The following ZNF561 variants were observed in gnomAD, a reference collection of about 807,000 sequenced individuals.
The protein encoded by ZNF561 is zinc finger protein 561.
In ZNF561, 16 loss-of-function variants were observed where a neutral mutation model predicts 16.7. The observed-to-expected ratio is 0.96, with a 90% CI of 0.65 to 1.45. The LOEUF (loss-of-function observed/expected upper bound fraction) is 1.45, where lower values mean the gene tolerates loss of function less well. Among genes scored for constraint, ZNF561 ranks in the 40% most tolerant of loss-of-function variants. The pLI, the probability that ZNF561 is intolerant of heterozygous loss-of-function variation, is 0.00. For missense variants in ZNF561, 580 were observed against 578.0 expected (o/e 1.00, Z -0.04); for synonymous variants, 190 against 192.1 (o/e 0.99, Z 0.09).
At chr19:9,616,610 G>A (rs1342797604) in intron 4 of ZNF561, among the ~76,000 whole-genome samples, 1 of 146,056 alleles carries the variant, frequency 6.8e-6, no homozygotes, top group African/African-American at 2.5e-5. Context: ...TTTTTTTTTT[G>A]AGATGGAGTC....
At position 9,609,919 on chromosome 19, in the gene ZNF561, G is replaced by A; in HGVS notation, c.*281C>T. On this transcript the variant is annotated 3_prime_UTR_variant, in exon 6 of 6. Transcript: ENST00000302851. ...AACAGGGGCTGGGGTCAATCTGCAT[G>A]ATTTATCTCATACACAACTTGTTAA... is the stretch of plus-strand genomic sequence containing the variant. The A allele has an allele frequency of 3.6e-6, 1 of 280,748 alleles. No homozygotes were observed. Among genetic ancestry groups the A allele is most frequent in the Non-Finnish European group, 6.7e-6 (1 of 148,556 alleles). The allele number at this position is 280,748 out of a possible 1,614,324, so 17.4% of individuals were successfully genotyped here.
chr19:9,617,468 G>T, intron 3 of ZNF561: 1 of 330,948 alleles, frequency 3.0e-6, no homozygotes, highest in Non-Finnish European at 4.7e-6. Context: ...ATTTTGATTA[G>T]AACAGTACTT....
At position 9,608,812 on chromosome 19, in the gene ZNF561, C is replaced by T. The variant is rs2074395069; in HGVS notation, c.*1388G>A. 1 of 152,188 alleles carries T rather than the reference C, an allele frequency of 6.6e-6. No homozygotes were observed. Among genetic ancestry groups the T allele is most frequent in the African/African-American group, 2.4e-5 (1 of 41,446 alleles). 9.4% of individuals were successfully genotyped at this position (152,188 alleles called of 1,614,324 possible). Reference sequence around the variant, plus strand: ...GAGAGATAAAACTGGTTATGTATCACTAAGATCTGTACTTAAAGTGTTAAA... The same window carrying T: ...GAGAGATAAAACTGGTTATGTATCATTAAGATCTGTACTTAAAGTGTTAAA... On this transcript the variant is annotated 3_prime_UTR_variant, in exon 6 of 6. Transcript: ENST00000302851.
intron 4 of ZNF561, among the ~76,000 whole-genome samples, chr19:9,616,614 T>TG (rs2074558736): frequency 6.7e-6 from 1 of 150,076 alleles, no homozygotes; most frequent in Admixed American, 6.7e-5. Context: ...TTTTTTGAGA[T>TG]GGAGTCTCAA....
At chr19:9,619,173 CTTGA>C (rs1284438935) in intron 2 of ZNF561, 3 of 213,742 alleles carry the variant, frequency 1.4e-5, no homozygotes, top group African/African-American at 6.9e-5. Flanking sequence ...AAGAGAATCA[CTTGA>C]ACCTGGGAGG....
chr19:9,619,787 T>C (rs1488923832), intron 1 of ZNF561, among the ~76,000 whole-genome samples: 1 of 152,188 alleles, frequency 6.6e-6, no homozygotes, highest in Non-Finnish European at 1.5e-5. Flanking sequence ...GCTTTATATA[T>C]ACATGCTCAG....
At position 9,611,300 on chromosome 19, in the gene ZNF561, TACAGTC is replaced by T. The variant is rs1325812940; in HGVS notation, c.355_360del (p.Asp119_Cys120del). ...TCCCTGAAGACCTCTCCACAATTCT[TACAGTC>T]ACAGAGTTTCCATCCACTGTAGCCT... is the stretch of plus-strand genomic sequence containing the variant. On this transcript the variant is annotated inframe_deletion, in exon 6 of 6. Transcript: ENST00000302851. The T allele has an allele frequency of 4.7e-5, 76 of 1,613,580 alleles. No individual in the cohort carries two copies. The highest frequency in any genetic ancestry group is 6.3e-5 in the Non-Finnish European group (74 of 1,179,554).
chr19:9,617,894 T>C (rs2074586623), intron 3 of ZNF561, 197 bp downstream of exon 3: 3 of 608,914 alleles, frequency 4.9e-6, no homozygotes, highest in Non-Finnish European at 6.1e-6. Context: ...ATTACTGAGC[T>C]ACTGGACTGA....
chr19:9,615,576 C>T (rs749045889), intron 4 of ZNF561, among the ~76,000 whole-genome samples: 4 of 151,206 alleles, frequency 2.6e-5, no homozygotes, highest in African/African-American at 7.3e-5. Flanking sequence ...CCAGCCTGGG[C>T]GACAGAGCAA....
rs1384144515 is a variant in ZNF561, at chr19:9,607,490, A to G, written c.*2710T>C. The G allele has an allele frequency of 2.0e-5, 3 of 152,230 alleles. No homozygotes were observed. In the East Asian group the frequency reaches 5.8e-4, roughly 29 times the overall value. The allele number at this position is 152,230 out of a possible 1,614,324, so 9.4% of individuals were successfully genotyped here. On this transcript the variant is annotated 3_prime_UTR_variant, in exon 6 of 6. Transcript: ENST00000302851. ...ATGAATTATGAAATACTGGGAAATC[A>G]TTCATCATGTAAAAACTGGATATAA... is the stretch of plus-strand genomic sequence containing the variant.
chr19:9,610,552 C>T lies in ZNF561; in HGVS notation c.1109G>A (p.Cys370Tyr), dbSNP rs763698957. Reference sequence around the variant, plus strand: ...TGTGGATGTAGTGAAGGCTTTCCCACATTCCTTACACTGATAGGGTTTCTT... The same window carrying T: ...TGTGGATGTAGTGAAGGCTTTCCCATATTCCTTACACTGATAGGGTTTCTT... The part of the protein sequence containing the change: ...SGKKPYQCKE[C>Y]GKAFTTSTSL... The change falls in exon 6 of 6, where the codon TGT becomes TAT. Residue 370 changes from cysteine to tyrosine, a missense_variant. Physicochemically the swap from Cys to Tyr is radical, Grantham distance 194. Transcript: ENST00000302851. 3 of 1,613,898 alleles carry T rather than the reference C, an allele frequency of 1.9e-6. No homozygotes were observed. Among genetic ancestry groups the T allele is most frequent in the Admixed American group, 3.3e-5 (2 of 60,012 alleles).
At position 9,611,329 on chromosome 19, in the gene ZNF561, C is replaced by G; in HGVS notation, c.332G>C (p.Gly111Ala). Reference protein sequence around the residue: ...QIFSGIQMTRGYSGWKLCDCK... With the variant: ...QIFSGIQMTRAYSGWKLCDCK... ...GTCACAGAGTTTCCATCCACTGTAG[C>G]CTCTTGTCTGTTGATGACGAGATAA... The change falls in exon 6 of 6, where the codon GGC becomes GCC. Residue 111 changes from glycine to alanine, a missense_variant. Gly to Ala is a moderately conservative substitution (Grantham distance 60). Coordinates refer to ENST00000302851, the MANE Select transcript of ZNF561 (RefSeq NM_152289.3). The G allele has an allele frequency of 6.2e-7, 1 of 1,606,286 alleles. No homozygotes were observed. The highest frequency in any genetic ancestry group is 8.5e-7 in the Non-Finnish European group (1 of 1,174,542).
In ZNF561 at chr19:9,610,563, C is replaced by T. The variant is rs753282452; in HGVS notation, c.1098G>A (p.Gln366=). The T allele has an allele frequency of 2.5e-6, 4 of 1,613,442 alleles. No homozygotes were observed. Among genetic ancestry groups the T allele is most frequent in the Admixed American group, 1.7e-5 (1 of 59,940 alleles). Residue 366 remains glutamine, a synonymous_variant, in exon 6 of 6, where the codon CAG becomes CAA. Coordinates refer to ENST00000302851, the MANE Select transcript of ZNF561 (RefSeq NM_152289.3). ...TGAAGGCTTTCCCACATTCCTTACA[C>T]TGATAGGGTTTCTTTCCACTGTGAC... The part of the protein sequence containing the change: ...IRSHSGKKPY[Q]CKECGKAFTT...
intron 2 of ZNF561, chr19:9,619,209 A>ATTGC: frequency 3.8e-6 from 1 of 262,116 alleles, no homozygotes; most frequent in Non-Finnish European, 7.1e-6. Flanking sequence ...GTGAGCTAAG[A>ATTGC]TTGCACCACT....
In ZNF561 at chr19:9,617,040, C is replaced by G; in HGVS notation, c.241+5G>C. On this transcript the variant is annotated splice_donor_5th_base_variant and intron_variant, in intron 4 of 5. Transcript: ENST00000302851. The stretch of plus-strand genomic sequence containing the variant: ...CCATGCCAAGCATAGTGATGTTACT[C>G]TTACCCACAGAGGCCAGGTTCATGT... 1 of 1,607,832 alleles carries G rather than the reference C, an allele frequency of 6.2e-7. No homozygotes were observed. Among genetic ancestry groups the G allele is most frequent in the Non-Finnish European group, 8.5e-7 (1 of 1,175,958 alleles).
chr19:9,617,855 G>C, intron 3 of ZNF561: 3 of 562,500 alleles, frequency 5.3e-6, no homozygotes, highest in South Asian at 1.5e-5. Flanking sequence ...AGATGCAGTT[G>C]GCACCATGAA....
chr19:9,613,144 T>C (rs960429644), intron 5 of ZNF561, among the ~76,000 whole-genome samples: 3 of 152,202 alleles, frequency 2.0e-5, no homozygotes, highest in Non-Finnish European at 2.9e-5. Context: ...TAGTTACTTA[T>C]GTGGGAATGT....
intron 4 of ZNF561, 134 bp downstream of exon 4, chr19:9,616,911 G>A (rs2074564774): frequency 8.0e-7 from 1 of 1,256,424 alleles, no homozygotes; most frequent in African/African-American, 1.5e-5. Flanking sequence ...TTTTTTTTAA[G>A]AGACAAGGTA....
At position 9,611,234 on chromosome 19, in the gene ZNF561, C is replaced by G; in HGVS notation, c.427G>C (p.Gly143Arg). The G allele has an allele frequency of 6.2e-7, 1 of 1,613,966 alleles. No individual in the cohort carries two copies. Among genetic ancestry groups the G allele is most frequent in the Non-Finnish European group, 8.5e-7 (1 of 1,179,902 alleles). ...TAACAATTACCCTCAGAAGTATTCC[C>G]TCCATTCTGAACTCTCATGTGTGTC... is the stretch of plus-strand genomic sequence containing the variant. ...LKTHMRVQNG[G>R]NTSEGNCYGK... is the part of the protein sequence containing the mutation. Residue 143 changes from glycine to arginine, a missense_variant, in exon 6 of 6, where the codon GGG becomes CGG. Transcript: ENST00000302851.
Sources: allele counts gnomAD v4.1 joint callset (sites outside exome capture counted in the v4.1 genomes callset), GRCh38; gene constraint gnomAD v4.1.1; transcripts MANE v1.5; gene names NCBI Gene and HGNC (gene_info 2026-07-23, HGNC 2026-07-21).